The following TAMM41 variants were observed in gnomAD, a reference collection of about 807,000 sequenced individuals.
TAMM41 encodes the protein phosphatidate cytidylyltransferase, mitochondrial.
Under a neutral mutation model 44.1 loss-of-function variants are expected in TAMM41, and 36 were observed. The ratio of observed to expected loss-of-function variants is 0.82; its 90% confidence interval spans 0.63 to 1.08. The LOEUF (loss-of-function observed/expected upper bound fraction) is 1.08, where lower values mean the gene tolerates loss of function less well. TAMM41 is among the 50% of genes least tolerant of loss of function. TAMM41 has a pLI of 0.00. For synonymous variants in TAMM41, 164 were observed against 153.1 expected (o/e 1.07, Z -0.53); for missense variants, 417 against 404.3 (o/e 1.03, Z -0.27).
In TAMM41 at chr3:11,846,750, G is replaced by T; in HGVS notation, c.-114C>A. On this transcript the variant is annotated 5_prime_UTR_variant, in exon 1 of 8. Coordinates refer to ENST00000455809, the MANE Select transcript of TAMM41 (RefSeq NM_001284401.2). ...AAATGGAAGTCGGAGACTGGATCGA[G>T]GGACACAAGGCTGAGTGTGGGGTGG... The T allele has an allele frequency of 7.3e-7, 1 of 1,364,384 alleles. No individual in the cohort carries two copies. The highest frequency in any genetic ancestry group is 1.0e-6 in the Non-Finnish European group (1 of 982,848). 84.5% of individuals were successfully genotyped at this position (1,364,384 alleles called of 1,614,324 possible).
chr3:11,787,001 CAT>C (rs1307693147), downstream of TAMM41, among the ~76,000 whole-genome samples: 2 of 152,178 alleles, frequency 1.3e-5, no homozygotes, highest in Admixed American at 1.3e-4. Flanking sequence ...CTTGTTCTGT[CAT>C]AGTCACAGTG....
chr3:11,755,080 A>C, the TAMM41 span, among the ~76,000 whole-genome samples: 1 of 151,390 alleles, frequency 6.6e-6, no homozygotes, highest in South Asian at 2.1e-4. Context: ...GAGCTGCAGC[A>C]ACCCCTAATC....
chr3:11,795,628 C>T (rs1245370609), intron 7 of TAMM41, among the ~76,000 whole-genome samples: 1 of 152,112 alleles, frequency 6.6e-6, no homozygotes, highest in Non-Finnish European at 1.5e-5. Flanking sequence ...CAAAAGAAAC[C>T]CTGAACTCCT....
the TAMM41 span, among the ~76,000 whole-genome samples, chr3:11,760,917 A>C: frequency 6.7e-6 from 1 of 150,144 alleles, no homozygotes; most frequent in East Asian, 2.1e-4. Flanking sequence ...CTGTAATCCC[A>C]GCACTTTGGG....
At chr3:11,769,405 GAGGTTTA>G in the TAMM41 span, among the ~76,000 whole-genome samples, 3 of 147,018 alleles carry the variant, frequency 2.0e-5, no homozygotes, top group Admixed American at 1.4e-4. Context: ...GGTTCGATCT[GAGGTTTA>G]AGAGATCACT....
chr3:11,733,000 G>GT, the TAMM41 span, among the ~76,000 whole-genome samples: 14,282 of 85,256 alleles, frequency 0.17, 1,285 homozygotes, highest in East Asian at 0.36. Context: ...TTTTTTTTTT[G>GT]TTTGTTTGTT....
chr3:11,755,564 C>A, the TAMM41 span, among the ~76,000 whole-genome samples: 261 of 152,308 alleles, frequency 1.7e-3, 3 homozygotes, highest in Non-Finnish European at 4.9e-4. Flanking sequence ...CTGCCGAGCA[C>A]TCTGAACATT....
intron 4 of TAMM41, among the ~76,000 whole-genome samples, chr3:11,826,036 C>T (rs765440154): frequency 3.3e-5 from 5 of 152,072 alleles, no homozygotes; most frequent in Admixed American, 6.5e-5. Context: ...CCTTTCCCAA[C>T]GAAAGTAATC....
the TAMM41 span, among the ~76,000 whole-genome samples, chr3:11,751,456 C>T: frequency 0.013 from 2,051 of 152,260 alleles, 47 homozygotes; most frequent in African/African-American, 0.044. Flanking sequence ...TTTGGCCCCA[C>T]GAATAGCACT....
At chr3:11,796,683 T>G in intron 7 of TAMM41, among the ~76,000 whole-genome samples, 1 of 151,998 alleles carries the variant, frequency 6.6e-6, no homozygotes, top group South Asian at 2.1e-4. Context: ...ACTTGAGAAA[T>G]TTTGGGGAGA....
At chr3:11,772,564 T>C in the TAMM41 span, among the ~76,000 whole-genome samples, 30 of 152,320 alleles carry the variant, frequency 2.0e-4, no homozygotes, top group African/African-American at 7.2e-4. Context: ...CCATGGTGTG[T>C]GTATGTATCA....
intron 3 of TAMM41, among the ~76,000 whole-genome samples, chr3:11,837,995 C>A (rs1381870009): frequency 1.3e-5 from 2 of 152,164 alleles, no homozygotes; most frequent in Admixed American, 1.3e-4. Flanking sequence ...AACTGAGTGT[C>A]CTACAACTGA....
At chr3:11,738,575 C>A in the TAMM41 span, among the ~76,000 whole-genome samples, 2 of 152,134 alleles carry the variant, frequency 1.3e-5, no homozygotes, top group African/African-American at 2.4e-5. Flanking sequence ...ACCCACCGAC[C>A]TTTTAGGGCT....
At chr3:11,807,095 A>G in intron 7 of TAMM41, 2 of 884,424 alleles carry the variant, frequency 2.3e-6, no homozygotes, top group Non-Finnish European at 2.7e-6. Flanking sequence ...GCTTCACCAA[A>G]ATGAGAGTGT....
the TAMM41 span, among the ~76,000 whole-genome samples, chr3:11,723,900 G>A: frequency 6.6e-6 from 1 of 151,894 alleles, no homozygotes; most frequent in Non-Finnish European, 1.5e-5. Flanking sequence ...GGGGGTGACT[G>A]AGTGGAGGTA....
At chr3:11,748,810 G>A in the TAMM41 span, among the ~76,000 whole-genome samples, 2 of 152,078 alleles carry the variant, frequency 1.3e-5, no homozygotes, top group Non-Finnish European at 2.9e-5. Context: ...TGGAGAATGT[G>A]AGATTTGTAT....
At chr3:11,789,687 G>A (rs1407091813), downstream of TAMM41, among the ~76,000 whole-genome samples, 1 of 152,160 alleles carries the variant, frequency 6.6e-6, no homozygotes, top group Non-Finnish European at 1.5e-5. Context: ...CCAGACAGAG[G>A]CTTGCTAGGG....
intron 5 of TAMM41, among the ~76,000 whole-genome samples, chr3:11,814,832 G>A (rs539580530): frequency 8.5e-5 from 13 of 152,202 alleles, no homozygotes; most frequent in East Asian, 1.9e-4. Context: ...GTGGTGGCGC[G>A]TGCCTGTAGT....
intron 7 of TAMM41, among the ~76,000 whole-genome samples, chr3:11,791,243 C>T (rs1355944305): frequency 6.6e-6 from 1 of 152,202 alleles, no homozygotes; most frequent in East Asian, 1.9e-4. Context: ...ACCCAGAACA[C>T]AGCAGGTGCT....
Sources: allele counts gnomAD v4.1 joint callset (sites outside exome capture counted in the v4.1 genomes callset), GRCh38; gene constraint gnomAD v4.1.1; transcripts MANE v1.5; gene names NCBI Gene and HGNC (gene_info 2026-07-23, HGNC 2026-07-21).